The following NGF variants were observed in gnomAD, a reference collection of about 807,000 sequenced individuals.
NGF encodes the protein beta-nerve growth factor.
A neutral mutation model predicts 12.8 loss-of-function variants in NGF; 4 were observed. That is an observed-to-expected ratio of 0.31 (90% CI 0.15 to 0.72). The LOEUF (loss-of-function observed/expected upper bound fraction) is 0.72. Among genes scored for constraint, NGF ranks in the 30% least tolerant of loss-of-function variants. NGF has a pLI of 0.69. For missense variants in NGF, 283 were observed against 330.8 expected, an observed-to-expected ratio of 0.86 and a Z score of 1.12; for synonymous variants, 140 against 130.0, an observed-to-expected ratio of 1.08 and a Z score of -0.52.
intron 2 of NGF, among the ~76,000 whole-genome samples, chr1:115,291,207 G>C (rs1321691887): frequency 6.6e-6 from 1 of 151,952 alleles, no homozygotes; most frequent in African/African-American, 2.4e-5. Context: ...TTACTCATGA[G>C]AGTGTGTTCC....
At chr1:115,326,599 C>T (rs576035122) in intron 1 of NGF, among the ~76,000 whole-genome samples, 23 of 152,258 alleles carry the variant, frequency 1.5e-4, no homozygotes, top group African/African-American at 3.9e-4. Flanking sequence ...CACAAGGTTC[C>T]GCTCAATGCC....
chr1:115,316,497 T>C (rs866805928), intron 1 of NGF, among the ~76,000 whole-genome samples: 6 of 152,212 alleles, frequency 3.9e-5, no homozygotes, highest in South Asian at 2.1e-4. Flanking sequence ...TTCTTATATA[T>C]CTTGTATAGT....
intron 2 of NGF, among the ~76,000 whole-genome samples, chr1:115,288,117 G>A (rs972075532): frequency 7.9e-5 from 12 of 152,066 alleles, no homozygotes; most frequent in Admixed American, 2.6e-4. Flanking sequence ...CCTAGTCCTC[G>A]AAGCCTTCTC....
At chr1:115,332,529 CTA>C (rs1050571623) in intron 1 of NGF, among the ~76,000 whole-genome samples, 3 of 152,018 alleles carry the variant, frequency 2.0e-5, no homozygotes, top group Non-Finnish European at 4.4e-5. Flanking sequence ...AAAAAAACAA[CTA>C]TGAAGTGGGG....
chr1:115,298,306 A>T (rs1653932491), intron 1 of NGF, among the ~76,000 whole-genome samples: 1 of 152,068 alleles, frequency 6.6e-6, no homozygotes, highest in Non-Finnish European at 1.5e-5. Context: ...GCCAAAGTTG[A>T]TTTTTTCCCC....
At chr1:115,323,415 A>G (rs1488848869) in intron 1 of NGF, among the ~76,000 whole-genome samples, 1 of 152,152 alleles carries the variant, frequency 6.6e-6, no homozygotes, top group East Asian at 1.9e-4. Context: ...ATGAAAAGAC[A>G]AAGTGGCCTG....
intron 2 of NGF, among the ~76,000 whole-genome samples, chr1:115,290,251 G>T (rs1407928261): frequency 6.6e-6 from 1 of 152,058 alleles, no homozygotes; most frequent in Non-Finnish European, 1.5e-5. Flanking sequence ...TTCCAGGTAT[G>T]CTCCCCTACC....
intron 1 of NGF, among the ~76,000 whole-genome samples, chr1:115,294,015 A>T (rs1653787505): frequency 6.6e-6 from 1 of 152,196 alleles, no homozygotes; most frequent in South Asian, 2.1e-4. Flanking sequence ...CTGATCTTGC[A>T]CCTAGTGCAG....
intron 1 of NGF, among the ~76,000 whole-genome samples, chr1:115,331,139 T>C (rs1471778760): frequency 6.6e-6 from 1 of 152,186 alleles, no homozygotes; most frequent in African/African-American, 2.4e-5. Context: ...GCATTGGCTA[T>C]ATTCCAGACT....
Position 115,286,059 on chromosome 1 carries a change from G to A in NGF, c.*11C>T, listed in dbSNP as rs199812295. 1.5e-5 allele frequency: 24 copies of A among 1,612,266 alleles called. No homozygotes were observed. The highest frequency in any genetic ancestry group is 8.3e-5 in the Admixed American group (5 of 59,944). On this transcript the variant is annotated 3_prime_UTR_variant, in exon 3 of 3. Transcript: ENST00000369512. ...TGTAGAAGGGGCAGGGGGAGGGAGC[G>A]TGTCGGCAGGTCAGGCTCTTCTCAC...
intron 1 of NGF, among the ~76,000 whole-genome samples, chr1:115,294,743 C>A (rs988401063): frequency 7.2e-5 from 11 of 152,260 alleles, no homozygotes; most frequent in East Asian, 1.9e-4. Context: ...ACATTCTAGG[C>A]AGCAAGAACA....
intron 1 of NGF, among the ~76,000 whole-genome samples, chr1:115,316,855 T>A (rs1409536591): frequency 6.6e-6 from 1 of 152,224 alleles, no homozygotes; most frequent in Non-Finnish European, 1.5e-5. Context: ...ACAAGTTGAA[T>A]ACTATTTGGG....
intron 2 of NGF, among the ~76,000 whole-genome samples, chr1:115,288,089 G>A (rs1008034859): frequency 2.8e-4 from 43 of 152,084 alleles, no homozygotes; most frequent in African/African-American, 9.9e-4. Context: ...ATTCTGCTCC[G>A]TTTCCACACA....
chr1:115,315,122 G>A (rs921961962), intron 1 of NGF, among the ~76,000 whole-genome samples: 3 of 152,220 alleles, frequency 2.0e-5, no homozygotes, highest in Non-Finnish European at 4.4e-5. Context: ...GGAGATGACA[G>A]CTGAGGGGAA....
intron 1 of NGF, among the ~76,000 whole-genome samples, chr1:115,337,712 T>C (rs1223128592): frequency 6.6e-6 from 1 of 151,910 alleles, no homozygotes; most frequent in Non-Finnish European, 1.5e-5. Context: ...TCCCCCTACC[T>C]GGGGGCCGCG....
chr1:115,312,803 G>A (rs11466085), intron 1 of NGF, among the ~76,000 whole-genome samples: 2,164 of 152,220 alleles, frequency 0.014, 50 homozygotes, highest in African/African-American at 0.05. Context: ...ACATCAAAAG[G>A]GGTTAGTAAA....
intron 1 of NGF, among the ~76,000 whole-genome samples, chr1:115,296,932 C>T (rs975298417): frequency 2.6e-5 from 4 of 152,186 alleles, no homozygotes; most frequent in Non-Finnish European, 4.4e-5. Context: ...AATCAGCTCT[C>T]ACACTTTTGA....
chr1:115,326,308 G>T (rs1654776140), intron 1 of NGF, among the ~76,000 whole-genome samples: 1 of 152,110 alleles, frequency 6.6e-6, no homozygotes, highest in Admixed American at 6.5e-5. Context: ...AGCTCCTCAG[G>T]CATTCGTTTG....
intron 1 of NGF, among the ~76,000 whole-genome samples, chr1:115,326,645 C>A (rs911625063): frequency 1.3e-5 from 2 of 152,134 alleles, no homozygotes; most frequent in African/African-American, 4.8e-5. Flanking sequence ...GGCAGGAATA[C>A]CTCATCTCTG....
Sources: allele counts gnomAD v4.1 joint callset (sites outside exome capture counted in the v4.1 genomes callset), GRCh38; gene constraint gnomAD v4.1.1; transcripts MANE v1.5; gene names NCBI Gene and HGNC (gene_info 2026-07-23, HGNC 2026-07-21).